The following SRGAP3 variants were observed in gnomAD, a reference collection of about 807,000 sequenced individuals.
The protein encoded by SRGAP3 is SLIT-ROBO Rho GTPase-activating protein 3.
In SRGAP3, 39 loss-of-function variants were observed where a neutral mutation model predicts 121.1. The observed-to-expected ratio is 0.32, with a 90% CI of 0.25 to 0.42. The LOEUF (loss-of-function observed/expected upper bound fraction) is 0.42, where lower values mean the gene tolerates loss of function less well. SRGAP3 is among the 10% of genes least tolerant of loss of function. The pLI is 1.00. For missense variants in SRGAP3, 1,213 were observed against 1,470.6 expected (o/e 0.82, Z 2.86); for synonymous variants, 601 against 570.0 (o/e 1.05, Z -0.77).
intron 4 of SRGAP3, among the ~76,000 whole-genome samples, chr3:9,069,971 A>G (rs1428555444): frequency 6.6e-6 from 1 of 152,166 alleles, no homozygotes; most frequent in East Asian, 1.9e-4. Flanking sequence ...AAAGAAAGAA[A>G]AGAAATAGCA....
chr3:9,140,199 T>C (rs1949800920), intron 1 of SRGAP3, among the ~76,000 whole-genome samples: 1 of 152,068 alleles, frequency 6.6e-6, no homozygotes, highest in African/African-American at 2.4e-5. Flanking sequence ...GCATTGTCTA[T>C]AGAAGTGAAA....
intron 15 of SRGAP3, 128 bp downstream of exon 15, chr3:9,015,469 C>T (rs979410574): frequency 8.2e-6 from 10 of 1,225,904 alleles, no homozygotes; most frequent in East Asian, 2.4e-5. Flanking sequence ...TTCAGTTCTA[C>T]GAGGATGCAC....
chr3:9,104,538 C>T, intron 3 of SRGAP3, 142 bp downstream of exon 3: 1 of 1,142,654 alleles, frequency 8.8e-7, no homozygotes, highest in Non-Finnish European at 1.3e-6. Flanking sequence ...CAAGTCCAGC[C>T]CTCAGCCACT....
At chr3:9,001,174 T>C (rs1030022130) in intron 18 of SRGAP3, among the ~76,000 whole-genome samples, 1 of 152,176 alleles carries the variant, frequency 6.6e-6, no homozygotes, top group African/African-American at 2.4e-5. Context: ...TATTTTACAG[T>C]AGGTTGACTA....
chr3:9,015,432 A>G (rs1388568837), intron 15 of SRGAP3, among the ~76,000 whole-genome samples, 165 bp downstream of exon 15: 1 of 152,118 alleles, frequency 6.6e-6, no homozygotes, highest in African/African-American at 2.4e-5. Context: ...TAGCCCTTTC[A>G]TTATAAACCA....
chr3:9,289,520 G>A (rs536573885), intron 3 of SRGAP3, among the ~76,000 whole-genome samples: 28 of 152,288 alleles, frequency 1.8e-4, no homozygotes, highest in African/African-American at 6.7e-4. Context: ...CTTTGGTTGT[G>A]TGAATTCATG....
intron 18 of SRGAP3, among the ~76,000 whole-genome samples, chr3:9,005,381 G>T (rs528635189): frequency 9.2e-5 from 14 of 152,286 alleles, no homozygotes; most frequent in African/African-American, 3.4e-4. Flanking sequence ...TTCCTTAAAT[G>T]ACTGACATAG....
In SRGAP3 at chr3:8,982,804, C is replaced by T. The variant is rs1941486877; in HGVS notation, c.*2715G>A. 1 of 215,664 alleles carries T rather than the reference C, an allele frequency of 4.6e-6. No individual in the cohort carries two copies. Among genetic ancestry groups the T allele is most frequent in the Non-Finnish European group, 9.2e-6 (1 of 109,172 alleles). The allele number at this position is 215,664 out of a possible 1,614,324, so 13.4% of individuals were successfully genotyped here. A position where few individuals can be genotyped will look rare whatever the true frequency, so the allele number is the denominator to read the frequency against. ...GAGACGTCTGCCATCTGTGTGTGTA[C>T]ATCCCTAAATGTGAACTCATCAGCC... On this transcript the variant is annotated 3_prime_UTR_variant, in exon 22 of 22. Coordinates refer to ENST00000383836, the MANE Select transcript of SRGAP3 (RefSeq NM_014850.4).
chr3:9,188,087 G>C (rs1187725712), intron 1 of SRGAP3, among the ~76,000 whole-genome samples: 1 of 152,130 alleles, frequency 6.6e-6, no homozygotes, highest in Non-Finnish European at 1.5e-5. Context: ...AAAAAGCAAG[G>C]ATCTAGCTGT....
intron 3 of SRGAP3, chr3:9,081,127 C>T (rs1238853314): frequency 8.5e-6 from 3 of 352,850 alleles, no homozygotes; most frequent in Non-Finnish European, 1.7e-5. Context: ...GCAGCTGGCA[C>T]CCACTTGGAC....
intron 3 of SRGAP3, among the ~76,000 whole-genome samples, chr3:9,255,270 A>C (rs1285776063): frequency 6.6e-6 from 1 of 152,224 alleles, no homozygotes; most frequent in African/African-American, 2.4e-5. Flanking sequence ...CAGCTCACAG[A>C]AAGGGAAATA....
intron 10 of SRGAP3, among the ~76,000 whole-genome samples, chr3:9,044,500 AC>A (rs1945164286): frequency 6.6e-6 from 1 of 152,164 alleles, no homozygotes; most frequent in Non-Finnish European, 1.5e-5. Context: ...GAAATTTAAA[AC>A]GTATGAATTG....
chr3:9,127,463 T>G (rs937069192), intron 1 of SRGAP3, among the ~76,000 whole-genome samples: 10 of 152,188 alleles, frequency 6.6e-5, no homozygotes, highest in African/African-American at 2.4e-4. Context: ...TTGTTTTGTG[T>G]TTTGAGACGG....
chr3:9,214,846 G>A (rs563950555), intron 1 of SRGAP3, among the ~76,000 whole-genome samples: 112 of 152,272 alleles, frequency 7.4e-4, no homozygotes, highest in African/African-American at 2.5e-3. Flanking sequence ...TTCATTGTAG[G>A]AAACTAACCA....
intron 1 of SRGAP3, among the ~76,000 whole-genome samples, chr3:9,126,725 T>G (rs1273531429): frequency 6.6e-6 from 1 of 151,238 alleles, no homozygotes. Flanking sequence ...AAATAATGTG[T>G]GCACTTGGAT....
intron 1 of SRGAP3, among the ~76,000 whole-genome samples, chr3:9,188,948 G>A (rs181139496): frequency 8.9e-4 from 136 of 152,312 alleles, no homozygotes; most frequent in African/African-American, 3.1e-3. Flanking sequence ...GTATTCCTAA[G>A]CAGAGCACTG....
At chr3:9,202,084 A>G (rs1184535356) in intron 1 of SRGAP3, among the ~76,000 whole-genome samples, 1 of 150,810 alleles carries the variant, frequency 6.6e-6, no homozygotes, top group Non-Finnish European at 1.5e-5. Flanking sequence ...AGGCGGGGGA[A>G]GGGTTATAAC....
At chr3:9,123,435 G>T (rs1949097734) in intron 2 of SRGAP3, among the ~76,000 whole-genome samples, 1 of 151,298 alleles carries the variant, frequency 6.6e-6, no homozygotes, top group Admixed American at 6.6e-5. Flanking sequence ...GGCCGGGTAT[G>T]GTGGCTCACA....
At chr3:9,358,584 C>G (rs1429046386) in intron 1 of SRGAP3, among the ~76,000 whole-genome samples, 1 of 152,176 alleles carries the variant, frequency 6.6e-6, no homozygotes, top group Non-Finnish European at 1.5e-5. Context: ...TCAATTTCAA[C>G]ACTATCTACC....
Sources: gnomAD v4.1 joint callset for allele counts (sites outside exome capture counted in the v4.1 genomes callset) on GRCh38, gnomAD v4.1.1 for gene constraint, MANE v1.5 for transcripts, NCBI Gene and HGNC (gene_info 2026-07-23, HGNC 2026-07-21) for gene names.